TDRD3: variants seen among roughly 807,000 people sequenced by gnomAD.
The protein encoded by TDRD3 is tudor domain containing 3, also known as tudor domain-containing protein 3.
A neutral mutation model predicts 86.7 loss-of-function variants in TDRD3; 45 were observed. The observed-to-expected ratio is 0.52, with a 90% CI of 0.41 to 0.67. The LOEUF is 0.67. Ranked by LOEUF, TDRD3 falls within the 30% of genes least tolerant of loss-of-function variation. The pLI is 0.00. For synonymous variants in TDRD3, 298 were observed against 301.7 expected, an observed-to-expected ratio of 0.99 and a Z score of 0.13; for missense variants, 814 against 889.0, an observed-to-expected ratio of 0.92 and a Z score of 1.07.
intron 10 of TDRD3, among the ~76,000 whole-genome samples, chr13:60,512,485 G>A (rs1049783442): frequency 3.9e-5 from 6 of 152,092 alleles, no homozygotes; most frequent in African/African-American, 1.4e-4. Flanking sequence ...AAAGTCCACA[G>A]TCCAAAGTCT....
At chr13:60,507,639 A>G (rs1303366620) in intron 8 of TDRD3, among the ~76,000 whole-genome samples, 4 of 152,184 alleles carry the variant, frequency 2.6e-5, no homozygotes, top group Non-Finnish European at 5.9e-5. Flanking sequence ...TTTGAAACCA[A>G]TGAGAACAAA....
intron 2 of TDRD3, among the ~76,000 whole-genome samples, chr13:60,440,738 TG>T (rs1334479651): frequency 6.6e-6 from 1 of 152,156 alleles, no homozygotes; most frequent in Admixed American, 6.6e-5. Context: ...ACCCTCTGAT[TG>T]TTTTTCTATG....
rs544108871 is a variant in TDRD3 at position 60,494,084 on chromosome 13, C to T, written c.718-351C>T. Among the ~76,000 whole-genome samples, 24 of 152,226 alleles carry T rather than the reference C, an allele frequency of 1.6e-4. No individual in the cohort carries two copies. The South Asian group carries it at 4.6e-3, about 29-fold the overall frequency. ...CTTGCCTGGTAGCTGGATTTAGAAC[C>T]CAACTCTCAAGGCAGTAGTCAAGTA... On this transcript the variant is annotated intron_variant, in intron 7 of 13. Transcript: ENST00000377881.
chr13:60,477,420 G>A (rs1043348278), intron 5 of TDRD3, among the ~76,000 whole-genome samples: 1 of 151,942 alleles, frequency 6.6e-6, no homozygotes, highest in Non-Finnish European at 1.5e-5. Flanking sequence ...TTTCTTTGTT[G>A]CCCAAGCTGG....
chr13:60,441,877 C>G (rs953044302), intron 2 of TDRD3, among the ~76,000 whole-genome samples: 3 of 152,118 alleles, frequency 2.0e-5, no homozygotes, highest in Non-Finnish European at 4.4e-5. Context: ...TTGGGCTGCC[C>G]GCAAAGGTAC....
chr13:60,502,976 C>T (rs1486751263), intron 8 of TDRD3, among the ~76,000 whole-genome samples: 3 of 152,086 alleles, frequency 2.0e-5, no homozygotes, highest in African/African-American at 7.2e-5. Flanking sequence ...TCTAGAGGAA[C>T]CAGGCAGAGA....
intron 7 of TDRD3, among the ~76,000 whole-genome samples, chr13:60,489,612 G>T (rs1435210554): frequency 6.6e-6 from 1 of 151,982 alleles, no homozygotes; most frequent in Non-Finnish European, 1.5e-5. Flanking sequence ...TCATATGTGA[G>T]AATTAAAACA....
At chr13:60,563,859 C>G (rs1394189259) in intron 12 of TDRD3, among the ~76,000 whole-genome samples, 5 of 152,158 alleles carry the variant, frequency 3.3e-5, no homozygotes, top group Admixed American at 3.3e-4. Flanking sequence ...TGTCTGTGTT[C>G]TCACTCCAGA....
At chr13:60,400,643 C>A (rs1566164097) in intron 1 of TDRD3, among the ~76,000 whole-genome samples, 1 of 151,358 alleles carries the variant, frequency 6.6e-6, no homozygotes, top group Non-Finnish European at 1.5e-5. Flanking sequence ...GAGGCTGAGG[C>A]AGGAGAATCG....
chr13:60,565,753 CAG>C (rs570593644), intron 12 of TDRD3, among the ~76,000 whole-genome samples: 11 of 152,244 alleles, frequency 7.2e-5, no homozygotes, highest in African/African-American at 2.2e-4. Flanking sequence ...AGTTAATATG[CAG>C]AGTTTCAAAT....
At chr13:60,481,543 A>T (rs1290761531) in intron 5 of TDRD3, among the ~76,000 whole-genome samples, 3 of 151,842 alleles carry the variant, frequency 2.0e-5, no homozygotes, top group Non-Finnish European at 4.4e-5. Flanking sequence ...TCTTAAGCCC[A>T]TCCAATGAGT....
chr13:60,415,751 A>G (rs868359636), intron 1 of TDRD3, among the ~76,000 whole-genome samples: 1 of 152,092 alleles, frequency 6.6e-6, no homozygotes, highest in South Asian at 2.1e-4. Context: ...ATGTCCAGAG[A>G]TTTATTGAGT....
At chr13:60,432,402 T>A (rs1424443094) in intron 1 of TDRD3, among the ~76,000 whole-genome samples, 2 of 152,188 alleles carry the variant, frequency 1.3e-5, no homozygotes, top group Non-Finnish European at 2.9e-5. Context: ...TTATTCATTA[T>A]GGCAAAATAC....
At chr13:60,453,776 GCATTTTAAAC>G (rs1291473418) in intron 3 of TDRD3, among the ~76,000 whole-genome samples, 2 of 152,122 alleles carry the variant, frequency 1.3e-5, no homozygotes, top group African/African-American at 4.8e-5. Flanking sequence ...TAAATACAAA[GCATTTTAAAC>G]CATTTCAGTA....
At chr13:60,397,106 G>A (rs1953932473), upstream of TDRD3, 1 of 366,688 alleles carries the variant, frequency 2.7e-6, no homozygotes, top group Non-Finnish European at 4.9e-6. Flanking sequence ...ACCAGCCGGT[G>A]TTTGGTGGAT....
chr13:60,396,491 C>A (rs1380356667), upstream of TDRD3: 1 of 152,390 alleles, frequency 6.6e-6, no homozygotes, highest in Admixed American at 6.5e-5. Flanking sequence ...ACAGCGCGGG[C>A]GAAGGGCATC....
intron 1 of TDRD3, among the ~76,000 whole-genome samples, chr13:60,417,019 CTTT>C (rs560202011): frequency 9.2e-5 from 13 of 141,864 alleles, no homozygotes; most frequent in African/African-American, 1.0e-4. Flanking sequence ...CTCTCTCTCT[CTTT>C]TTTTTTTTTT....
intron 3 of TDRD3, among the ~76,000 whole-genome samples, chr13:60,446,888 A>G (rs1387260768): frequency 6.6e-6 from 1 of 152,208 alleles, no homozygotes; most frequent in Non-Finnish European, 1.5e-5. Flanking sequence ...CTATAAATGC[A>G]TGACTCTAGA....
rs1955208971 is a variant in TDRD3, at chr13:60,439,690, A to G, written c.44A>G (p.Tyr15Cys). The change falls in exon 2 of 14, where the codon TAT becomes TGT. Residue 15 changes from tyrosine to cysteine, a missense_variant and splice_region_variant. Tyr to Cys is a radical substitution (Grantham distance 194). Transcript: ENST00000377881. ...AGCCATTTATTTTATTTTAACAGGTATCTTTCAGATGAAGGCATTGAAGCT... is the reference window on the plus strand; with the variant it reads ...AGCCATTTATTTTATTTTAACAGGTGTCTTTCAGATGAAGGCATTGAAGCT... ...AGAALSQAGW[Y>C]LSDEGIEACT... is the part of the protein sequence containing the mutation. The G allele has an allele frequency of 7.2e-6, 11 of 1,535,102 alleles. No homozygotes were observed. Among genetic ancestry groups the G allele is most frequent in the South Asian group, 2.5e-5 (2 of 79,380 alleles).
Sources: gnomAD v4.1 joint callset for allele counts (sites outside exome capture counted in the v4.1 genomes callset) on GRCh38, gnomAD v4.1.1 for gene constraint, MANE v1.5 for transcripts, NCBI Gene and HGNC (gene_info 2026-07-23, HGNC 2026-07-21) for gene names.